Variants in EVI5 observed in about 807,000 individuals in gnomAD.
EVI5 encodes ecotropic viral integration site 5 protein homolog.
Under a neutral mutation model 112.0 loss-of-function variants are expected in EVI5, and 73 were observed. The observed-to-expected ratio is 0.65, with a 90% CI of 0.54 to 0.79. The LOEUF is 0.79. Among genes scored for constraint, EVI5 ranks in the 30% least tolerant of loss-of-function variants. EVI5 has a pLI of 0.00. For synonymous variants in EVI5, 305 were observed against 319.9 expected (o/e 0.95, Z 0.50); for missense variants, 900 against 968.8 (o/e 0.93, Z 0.94).
intron 9 of EVI5, among the ~76,000 whole-genome samples, chr1:92,684,196 C>T (rs933910698): frequency 6.6e-6 from 1 of 152,098 alleles, no homozygotes; most frequent in Non-Finnish European, 1.5e-5. Context: ...AGACTAACAG[C>T]GGATCTCTAG....
At chr1:92,622,747 C>T (rs1308871922) in intron 16 of EVI5, among the ~76,000 whole-genome samples, 1 of 152,170 alleles carries the variant, frequency 6.6e-6, no homozygotes, top group East Asian at 1.9e-4. Flanking sequence ...TACCATCCTG[C>T]TTCCAGCAAA....
chr1:92,596,914 T>C (rs1648037869), intron 18 of EVI5, among the ~76,000 whole-genome samples: 1 of 152,248 alleles, frequency 6.6e-6, no homozygotes, highest in African/African-American at 2.4e-5. Context: ...ATATTGAATG[T>C]GACTTTTTAC....
chr1:92,575,893 T>C (rs1395202100), intron 18 of EVI5, among the ~76,000 whole-genome samples: 1 of 152,120 alleles, frequency 6.6e-6, no homozygotes, highest in Non-Finnish European at 1.5e-5. Context: ...ATTTTTATCA[T>C]ATTGTTAATT....
chr1:92,743,128 G>T (rs180861890), intron 1 of EVI5, among the ~76,000 whole-genome samples: 1 of 152,184 alleles, frequency 6.6e-6, no homozygotes, highest in African/African-American at 2.4e-5. Context: ...TGAGGTGGGC[G>T]GATCACCTGA....
At chr1:92,756,301 C>T (rs781088432) in intron 1 of EVI5, 4 of 464,338 alleles carry the variant, frequency 8.6e-6, no homozygotes, top group Non-Finnish European at 1.7e-5. Flanking sequence ...CAGATCTTCA[C>T]GATGGCTGGC....
intron 12 of EVI5, 88 bp downstream of exon 12, chr1:92,663,332 G>T: frequency 3.6e-6 from 2 of 557,162 alleles, no homozygotes; most frequent in Non-Finnish European, 6.0e-6. Context: ...AAAATTGCAT[G>T]CATTAAAATA....
At chr1:92,767,574 C>G (rs1358871427) in intron 1 of EVI5, among the ~76,000 whole-genome samples, 2 of 152,170 alleles carry the variant, frequency 1.3e-5, no homozygotes, top group Non-Finnish European at 2.9e-5. Flanking sequence ...TGTGAAAAAT[C>G]AGGGAATCCT....
chr1:92,691,748 A>G (rs1669537800), intron 9 of EVI5, among the ~76,000 whole-genome samples: 1 of 152,196 alleles, frequency 6.6e-6, no homozygotes, highest in Non-Finnish European at 1.5e-5. Flanking sequence ...AATTAGCATT[A>G]TAAAGGAAAA....
intron 9 of EVI5, among the ~76,000 whole-genome samples, chr1:92,692,253 T>C (rs1669606504): frequency 6.6e-6 from 1 of 152,254 alleles, no homozygotes; most frequent in African/African-American, 2.4e-5. Flanking sequence ...ACAAGATCTA[T>C]GCAAGGAGAA....
intron 18 of EVI5, among the ~76,000 whole-genome samples, chr1:92,576,724 T>C (rs1415505066): frequency 6.6e-6 from 1 of 152,214 alleles, no homozygotes; most frequent in East Asian, 1.9e-4. Context: ...CTGATTCTGG[T>C]TCCTAGTTCT....
intron 1 of EVI5, among the ~76,000 whole-genome samples, chr1:92,748,207 A>G (rs530719929): frequency 6.6e-6 from 1 of 152,262 alleles, no homozygotes; most frequent in African/African-American, 2.4e-5. Flanking sequence ...ACCAAAAGTT[A>G]TTACTGAGCT....
At chr1:92,675,880 T>C (rs1350384919) in intron 10 of EVI5, among the ~76,000 whole-genome samples, 2 of 145,344 alleles carry the variant, frequency 1.4e-5, no homozygotes, top group East Asian at 2.0e-4. Flanking sequence ...GGCGTGCACC[T>C]GGGAGGCGGA....
intron 15 of EVI5, among the ~76,000 whole-genome samples, chr1:92,624,714 A>T (rs994564590): frequency 8.6e-5 from 13 of 150,290 alleles, no homozygotes; most frequent in Non-Finnish European, 1.8e-4. Context: ...AAAAAAAAAA[A>T]AAAAAAGAAT....
intron 18 of EVI5, among the ~76,000 whole-genome samples, chr1:92,596,205 A>G (rs1202241592): frequency 1.3e-5 from 2 of 152,112 alleles, no homozygotes; most frequent in African/African-American, 4.8e-5. Context: ...GAAAAAAAAT[A>G]CAAAAATTAG....
At chr1:92,550,447 TAACA>T (rs1034354532) in intron 19 of EVI5, among the ~76,000 whole-genome samples, 1 of 151,450 alleles carries the variant, frequency 6.6e-6, no homozygotes, top group Non-Finnish European at 1.5e-5. Flanking sequence ...TATACAAATG[TAACA>T]AACCTGCATG....
intron 4 of EVI5, among the ~76,000 whole-genome samples, chr1:92,702,920 A>G (rs1671429389): frequency 6.6e-6 from 1 of 152,228 alleles, no homozygotes; most frequent in African/African-American, 2.4e-5. Flanking sequence ...TCAGTATTTC[A>G]AAGAAGTAGC....
intron 6 of EVI5, 38 bp from the exon 7 acceptor site, chr1:92,695,491 A>G (rs1283684179): frequency 7.3e-7 from 1 of 1,377,848 alleles, no homozygotes; most frequent in Non-Finnish European, 1.0e-6. Flanking sequence ...ACACAGTAAA[A>G]CTGAGTATTT....
intron 2 of EVI5, among the ~76,000 whole-genome samples, 191 bp from the exon 3 acceptor site, chr1:92,704,935 C>T (rs1220634235): frequency 2.0e-5 from 3 of 151,272 alleles, no homozygotes; most frequent in Non-Finnish European, 4.4e-5. Flanking sequence ...CCTATTATAG[C>T]AGTTTGAAAA....
chr1:92,591,530 G>C (rs1416666470), intron 18 of EVI5, among the ~76,000 whole-genome samples: 1 of 152,116 alleles, frequency 6.6e-6, no homozygotes, highest in East Asian at 1.9e-4. Flanking sequence ...ATTACATAAT[G>C]GTAAAGGGAT....
Sources: allele counts gnomAD v4.1 joint callset (sites outside exome capture counted in the v4.1 genomes callset), GRCh38; gene constraint gnomAD v4.1.1; transcripts MANE v1.5; gene names NCBI Gene and HGNC (gene_info 2026-07-23, HGNC 2026-07-21).